The following PTPRG variants were observed in gnomAD, a reference collection of about 807,000 sequenced individuals.
PTPRG encodes protein tyrosine phosphatase receptor type G, also known as receptor-type tyrosine-protein phosphatase gamma.
A neutral mutation model predicts 165.3 loss-of-function variants in PTPRG; 102 were observed. That is an observed-to-expected ratio of 0.62 (90% confidence interval 0.53 to 0.73). The LOEUF (loss-of-function observed/expected upper bound fraction) is 0.73, where lower values mean the gene tolerates loss of function less well. Among genes scored for constraint, PTPRG ranks in the 30% least tolerant of loss-of-function variants. The probability of loss-of-function intolerance (pLI) is 0.00; values close to 1 mark genes in which losing one functional copy is unlikely to be tolerated. For missense variants in PTPRG, 1,866 were observed against 1,861.4 expected (o/e 1.00, Z -0.05); for synonymous variants, 675 against 669.5 (o/e 1.01, Z -0.13).
At chr3:61,747,881 A>G (rs2033272543) in intron 1 of PTPRG, among the ~76,000 whole-genome samples, 1 of 151,880 alleles carries the variant, frequency 6.6e-6, no homozygotes, top group Non-Finnish European at 1.5e-5. Flanking sequence ...TTTGCGTGTA[A>G]TTCCGTTTCA....
Position 62,080,234 on chromosome 3 carries a change from A to AT in PTPRG, c.615+1976_615+1977insT, listed in dbSNP as rs112814144. Among the ~76,000 whole-genome samples the AT allele has an allele frequency of 1.1e-3, 155 of 137,502 alleles. 2 individuals are homozygous for AT. The highest frequency in any genetic ancestry group is 5.0e-3 in the African/African-American group (145 of 29,080). 90.2% of individuals were successfully genotyped at this position (137,502 alleles called of 152,430 possible). ...CAGGCATGTGCTACTATGCCCAGCT[A>AT]ATTTTTTTTTTTTGTATTTTTAGTA... On this transcript the variant is annotated intron_variant, in intron 5 of 29. Transcript: ENST00000474889.
intron 5 of PTPRG, among the ~76,000 whole-genome samples, chr3:62,093,129 G>C (rs1701997049): frequency 6.6e-6 from 1 of 152,174 alleles, no homozygotes; most frequent in African/African-American, 2.4e-5. Flanking sequence ...TTTAATAGCT[G>C]CTTGCGTGAT....
intron 2 of PTPRG, among the ~76,000 whole-genome samples, chr3:61,912,970 G>A (rs1403323939): frequency 6.6e-6 from 1 of 152,184 alleles, no homozygotes; most frequent in African/African-American, 2.4e-5. Flanking sequence ...GTGAAGGACT[G>A]CAGTGGACAG....
Position 62,132,606 on chromosome 3 carries a change from G to T in PTPRG, c.620G>T (p.Ser207Ile). Residue 207 changes from serine (S) to isoleucine (I), a missense_variant, in exon 6 of 30, where the codon AGT (serine) becomes ATT (isoleucine). Physicochemically the swap from Ser to Ile is moderately radical, Grantham distance 142. Transcript: ENST00000474889. ...IGAMAIFFQV[S>I]PRDNSALDPI... is the part of the protein sequence containing the mutation. Reference sequence around the variant, plus strand: ...TCATGTTTCCTTTACATTTAGGTCAGTCCGAGGGACAATTCTGCACTGGAT... The same window carrying T: ...TCATGTTTCCTTTACATTTAGGTCATTCCGAGGGACAATTCTGCACTGGAT... The T allele has an allele frequency of 6.2e-7, 1 of 1,608,784 alleles. No homozygotes were observed. The highest frequency in any genetic ancestry group is 8.5e-7 in the Non-Finnish European group (1 of 1,175,140).
intron 1 of PTPRG, among the ~76,000 whole-genome samples, chr3:61,578,487 C>T (rs935179023): frequency 1.3e-5 from 2 of 152,140 alleles, no homozygotes; most frequent in African/African-American, 4.8e-5. Flanking sequence ...GGGTGGTGGT[C>T]TCTGCATCTG....
chr3:61,841,775 AG>A (rs1490853669), intron 2 of PTPRG, among the ~76,000 whole-genome samples: 1 of 152,198 alleles, frequency 6.6e-6, no homozygotes, highest in East Asian at 1.9e-4. Flanking sequence ...AGGACGATAA[AG>A]GAATGTGCCA....
chr3:61,633,047 C>T (rs115361874), intron 1 of PTPRG, among the ~76,000 whole-genome samples: 3,911 of 152,262 alleles, frequency 0.026, 132 homozygotes, highest in African/African-American at 0.088. Flanking sequence ...CTTGATTTGG[C>T]GCATTGTTAG....
intron 2 of PTPRG, among the ~76,000 whole-genome samples, chr3:61,944,102 C>A (rs560836774): frequency 6.6e-6 from 1 of 152,236 alleles, no homozygotes; most frequent in East Asian, 1.9e-4. Flanking sequence ...ATTTTGAGCT[C>A]ATTTTTTGTT....
chr3:61,825,872 A>T (rs1337132393), intron 2 of PTPRG, among the ~76,000 whole-genome samples: 3 of 152,070 alleles, frequency 2.0e-5, no homozygotes, highest in Non-Finnish European at 4.4e-5. Flanking sequence ...GCTTGTCTCA[A>T]ACTTCTAGAC....
intron 2 of PTPRG, among the ~76,000 whole-genome samples, chr3:61,756,742 G>A (rs2033647192): frequency 6.6e-6 from 1 of 152,164 alleles, no homozygotes; most frequent in Admixed American, 6.5e-5. Flanking sequence ...CTAGCAGTAA[G>A]ATGAAATACT....
At chr3:61,566,430 C>G (rs577990595) in intron 1 of PTPRG, among the ~76,000 whole-genome samples, 1 of 152,230 alleles carries the variant, frequency 6.6e-6, no homozygotes. Context: ...TTGGCATTCA[C>G]GTGAGATCAC....
intron 1 of PTPRG, among the ~76,000 whole-genome samples, chr3:61,641,854 T>C (rs1702074639): frequency 6.6e-6 from 1 of 152,184 alleles, no homozygotes; most frequent in Non-Finnish European, 1.5e-5. Context: ...GGTTTAAGGA[T>C]GGATGGGTCT....
rs78044939 is a variant in PTPRG at position 61,884,004 on chromosome 3, T to C, written c.191-105621T>C. Reference sequence around the variant, plus strand: ...GTGTTGGGATTACAGGTGTACAACATTCTTAGTTGTATGCTTGTTTTCTTT... The same window carrying C: ...GTGTTGGGATTACAGGTGTACAACACTCTTAGTTGTATGCTTGTTTTCTTT... On this transcript the variant is annotated intron_variant, in intron 2 of 29. Transcript: ENST00000474889. 5.9e-3 allele frequency among the ~76,000 whole-genome samples: 899 copies of C among 152,250 alleles called. 8 individuals carry two copies. The highest frequency in any genetic ancestry group is 0.02 in the African/African-American group (829 of 41,560).
intron 3 of PTPRG, among the ~76,000 whole-genome samples, chr3:61,995,934 T>A (rs2041031367): frequency 6.6e-6 from 1 of 152,098 alleles, no homozygotes; most frequent in Admixed American, 6.6e-5. Context: ...TTTTTGTTGT[T>A]TCATTCTCTC....
chr3:61,661,320 CTT>C (rs61114806), intron 1 of PTPRG, among the ~76,000 whole-genome samples: 90 of 149,572 alleles, frequency 6.0e-4, no homozygotes, highest in Middle Eastern at 3.4e-3. Flanking sequence ...TAAAAGTTTC[CTT>C]TTTTTTTTTT....
At chr3:61,932,797 G>C (rs1051871325) in intron 2 of PTPRG, among the ~76,000 whole-genome samples, 7 of 152,182 alleles carry the variant, frequency 4.6e-5, no homozygotes, top group African/African-American at 1.7e-4. Flanking sequence ...CAGTTGCTTT[G>C]ATCTTGATTG....
intron 4 of PTPRG, among the ~76,000 whole-genome samples, chr3:62,057,003 A>G (rs771111008): frequency 4.6e-5 from 7 of 152,236 alleles, no homozygotes; most frequent in Non-Finnish European, 1.0e-4. Flanking sequence ...AAAGCGAGAT[A>G]GTGGCTTTGG....
chr3:62,077,929 C>T (rs1338331589), intron 4 of PTPRG, among the ~76,000 whole-genome samples: 11 of 145,348 alleles, frequency 7.6e-5, no homozygotes, highest in East Asian at 4.1e-4. Flanking sequence ...ACCTGGGAGG[C>T]GGAGGTTGTA....
intron 5 of PTPRG, among the ~76,000 whole-genome samples, chr3:62,126,239 G>A (rs993457346): frequency 5.3e-5 from 8 of 152,168 alleles, no homozygotes; most frequent in African/African-American, 1.9e-4. Flanking sequence ...TGGTGGGTTG[G>A]GGAGGCAGGG....
Sources: gnomAD v4.1 joint callset for allele counts (sites outside exome capture counted in the v4.1 genomes callset) on GRCh38, gnomAD v4.1.1 for gene constraint, MANE v1.5 for transcripts, NCBI Gene and HGNC (gene_info 2026-07-23, HGNC 2026-07-21) for gene names.